ZAN: variants seen among roughly 807,000 people sequenced by gnomAD.
ZAN encodes the protein zonadhesin (gene/pseudogene).
In ZAN, 260 loss-of-function variants were observed where a neutral mutation model predicts 286.2. That is an observed-to-expected ratio of 0.91 (90% CI 0.82 to 1.01). ZAN has a LOEUF of 1.01. Among genes scored for constraint, ZAN ranks in the 50% least tolerant of loss-of-function variants. The pLI is 0.00. For missense variants in ZAN, 3,410 were observed against 3,639.2 expected (o/e 0.94, Z 1.62); for synonymous variants, 1,368 against 1,417.5 (o/e 0.97, Z 0.79).
rs760024290 is a variant in ZAN at position 100,795,322 on chromosome 7, C to T, written c.8252C>T (p.Pro2751Leu). Reference protein sequence around the residue: ...GLCMEPRDAPPPRKPASNLVG... With the variant: ...GLCMEPRDAPLPRKPASNLVG... ...TGTATGGAGCCTCGAGATGCGCCAC[C>T]TCCCAGAAAGCCAGGTGAGGGCATC... Residue 2751 changes from proline to leucine, a missense_variant, in exon 45 of 48, where the codon CCT becomes CTT. Physicochemically the swap from Pro to Leu is moderately conservative, Grantham distance 98 (BLOSUM62 -3). Coordinates refer to ENST00000613979, the MANE Select transcript of ZAN (RefSeq NM_003386.3). The T allele has an allele frequency of 1.9e-6, 3 of 1,590,198 alleles. No homozygotes were observed. The highest frequency in any genetic ancestry group is 4.6e-5 in the East Asian group (2 of 43,794).
intron 17 of ZAN, among the ~76,000 whole-genome samples, chr7:100,759,235 G>GA (rs112702630): frequency 0.36 from 52,107 of 143,660 alleles, 9,244 homozygotes; most frequent in South Asian, 0.46. Context: ...CTCTGTCTCA[G>GA]AAAAAAAAAA....
intron 17 of ZAN, 64 bp downstream of exon 17, chr7:100,758,714 G>C (rs1287679517): frequency 5.2e-6 from 8 of 1,529,506 alleles, no homozygotes; most frequent in Non-Finnish European, 7.0e-6. Flanking sequence ...GCTAGGCATG[G>C]GGCATGGTGG....
chr7:100,755,963 T>C (rs1809116730), intron 15 of ZAN, among the ~76,000 whole-genome samples: 1 of 152,054 alleles, frequency 6.6e-6, no homozygotes, highest in Non-Finnish European at 1.5e-5. Flanking sequence ...CGATCTTAGC[T>C]CACTACAACC....
At chr7:100,767,717 G>T in intron 25 of ZAN, 114 bp from the exon 26 acceptor site, 1 of 1,197,614 alleles carries the variant, frequency 8.3e-7, no homozygotes. Context: ...GGGCTCAAGC[G>T]ATCCTCCGCC....
rs538868343 is a variant in ZAN at position 100,739,689 on chromosome 7, G to A, written c.766+1076G>A. Among the ~76,000 whole-genome samples, 13 of 137,338 alleles carry A rather than the reference G, an allele frequency of 9.5e-5. 1 individual carries two copies. Among genetic ancestry groups the A allele is most frequent in the African/African-American group, 2.1e-4 (8 of 37,746 alleles). The allele number at this position is 137,338 out of a possible 152,430, so 90.1% of individuals were successfully genotyped here. A position where few individuals can be genotyped will look rare whatever the true frequency, so the allele number is the denominator to read the frequency against. ...TTATTTATTTTGGAGACAGAGTCTC[G>A]CCCTGTCTCCCAGGCTGGAGTGCAG... On this transcript the variant is annotated intron_variant, in intron 7 of 47. Transcript: ENST00000613979.
Position 100,795,310 on chromosome 7 carries a change from G to T in ZAN, c.8240G>T (p.Arg2747Leu). 6.3e-7 allele frequency: 1 copy of T among 1,596,856 alleles called. No homozygotes were observed. ...GGGGGAGGCCTGTGTATGGAGCCTCGAGATGCGCCACCTCCCAGAAAGCCA... is the reference window on the plus strand; with the variant it reads ...GGGGGAGGCCTGTGTATGGAGCCTCTAGATGCGCCACCTCCCAGAAAGCCA... ...GYGGGLCMEP[R>L]DAPPPRKPAS... Residue 2747 changes from arginine (R) to leucine (L), a missense_variant, in exon 45 of 48, where the codon CGA (arginine) becomes CTA (leucine). This residue lies in a region of ZAN where 1,289 missense variants were observed against 1,314.3 expected (regional missense o/e 0.98). Coordinates refer to ENST00000613979, the MANE Select transcript of ZAN (RefSeq NM_003386.3).
At chr7:100,797,267 TC>T in intron 45 of ZAN, 98 bp from the exon 46 acceptor site, 1 of 1,090,428 alleles carries the variant, frequency 9.2e-7, no homozygotes, top group Admixed American at 2.0e-5. Flanking sequence ...AGAGATGAGG[TC>T]CCCTGGGGTA....
At chr7:100,736,439 G>T (rs1364296770) in intron 3 of ZAN, 44 bp from the exon 4 acceptor site, 1 of 1,513,606 alleles carries the variant, frequency 6.6e-7, no homozygotes, top group Non-Finnish European at 9.1e-7. Context: ...TCTGGGCCCT[G>T]CCCCTGCCCT....
chr7:100,734,739 C>A (rs1056173270), intron 2 of ZAN, among the ~76,000 whole-genome samples: 7 of 140,562 alleles, frequency 5.0e-5, no homozygotes, highest in Admixed American at 3.5e-4. Context: ...CGGGACAGGG[C>A]TACAATGTGA....
intron 29 of ZAN, among the ~76,000 whole-genome samples, chr7:100,772,540 T>C (rs931094973): frequency 4.6e-5 from 7 of 151,914 alleles, no homozygotes; most frequent in African/African-American, 1.7e-4. Flanking sequence ...AAAAAATTGT[T>C]GCCGGGCGCG....
chr7:100,793,917 C>T lies in ZAN; in HGVS notation c.7885C>T (p.Leu2629=), dbSNP rs2116348130. Residue 2629 remains leucine, a synonymous_variant, in exon 43 of 48, where the codon CTG becomes TTG. Transcript: ENST00000613979. ...CAGACCCCGGGGACTGCGAGGGCCC[C>T]TGCGTGGAAGGCTGCGCCAGCATCC... ...PGRPRGLRGP[L]RGRLRQHPRL... is the part of the protein sequence containing the mutation. 1 of 1,614,000 alleles carries T rather than the reference C, an allele frequency of 6.2e-7. No homozygotes were observed. The highest frequency in any genetic ancestry group is 8.5e-7 in the Non-Finnish European group (1 of 1,179,886).
rs776943585 is a variant in ZAN, at chr7:100,748,352, C to A, written c.1131C>A (p.Asp377Glu). Residue 377 changes from aspartate (D) to glutamate (E), a missense_variant, in exon 11 of 48, where the codon GAC (aspartate) becomes GAA (glutamate). Coordinates refer to ENST00000613979, the MANE Select transcript of ZAN (RefSeq NM_003386.3). ...GTTTTCCTCAGTGTGACTTTGAAGACAACGCCCATCCCTTCTGTGACTGGG... is the reference window on the plus strand; with the variant it reads ...GTTTTCCTCAGTGTGACTTTGAAGAAAACGCCCATCCCTTCTGTGACTGGG... ...GEGFPQCDFE[D>E]NAHPFCDWVQ... 8.7e-6 allele frequency: 14 copies of A among 1,613,996 alleles called. No individual in the cohort carries two copies. The highest frequency in any genetic ancestry group is 1.2e-5 in the Non-Finnish European group (14 of 1,179,896).
Position 100,775,721 on chromosome 7 carries a change from G to C in ZAN, c.6080G>C (p.Ser2027Thr). Residue 2027 changes from serine (S) to threonine (T), a missense_variant, in exon 33 of 48, where the codon AGT (serine) becomes ACT (threonine). Coordinates refer to ENST00000613979, the MANE Select transcript of ZAN (RefSeq NM_003386.3). The stretch of plus-strand genomic sequence containing the variant: ...GCCATCTCCCAGATCCCTGGGGTCA[G>C]TGTCAAGTCCAGCAGCATCTACAGC... ...LPAISQIPGV[S>T]VKSSSIYSIV... 6.2e-7 allele frequency: 1 copy of C among 1,613,882 alleles called. No individual in the cohort carries two copies. The highest frequency in any genetic ancestry group is 8.5e-7 in the Non-Finnish European group (1 of 1,179,852).
Position 100,753,042 on chromosome 7 carries a change from C to G in ZAN, c.2937C>G (p.Pro979=). The G allele has an allele frequency of 6.2e-7, 1 of 1,612,330 alleles. No homozygotes were observed. The highest frequency in any genetic ancestry group is 8.5e-7 in the Non-Finnish European group (1 of 1,179,002). The part of the protein sequence containing the change: ...PTIPTEKLTI[P]TEKPTIPTEK... ...TCCCCACGGAAAAACTTACCATCCCCACGGAAAAACCCACCATCCCCACAG... is the reference window on the plus strand; with the variant it reads ...TCCCCACGGAAAAACTTACCATCCCGACGGAAAAACCCACCATCCCCACAG... Residue 979 remains proline (P), a synonymous_variant, in exon 14 of 48, where the codon CCC becomes CCG. Transcript: ENST00000613979.
chr7:100,776,422 ACCACT>A lies in ZAN; in HGVS notation c.6193-16_6193-12del, dbSNP rs1810789984. ...TCTCGTGCTTCCCCAGCACCGAAAA[ACCACT>A]CTCCCCCGCCAGGTCTGCGGCATGT... On this transcript the variant is annotated splice_polypyrimidine_tract_variant and intron_variant, in intron 33 of 47. Coordinates refer to ENST00000613979, the MANE Select transcript of ZAN (RefSeq NM_003386.3). 6.3e-7 allele frequency: 1 copy of A among 1,598,456 alleles called. No individual in the cohort carries two copies. Among genetic ancestry groups the A allele is most frequent in the Non-Finnish European group, 8.5e-7 (1 of 1,172,426 alleles).
rs573067035 is a variant in ZAN, at chr7:100,788,051, C to T, written c.7142C>T (p.Pro2381Leu). The T allele has an allele frequency of 1.7e-5, 26 of 1,564,886 alleles. No homozygotes were observed. The Admixed American group carries it at 2.3e-4, about 14-fold the overall frequency. ...LLVEGRNKMD[P>L]PRSSIFLQEV... ...GTGGAAGGACGCAACAAGATGGATCCGCCCAGGAGCTCCATCTTCTTGCAG... is the reference window on the plus strand; with the variant it reads ...GTGGAAGGACGCAACAAGATGGATCTGCCCAGGAGCTCCATCTTCTTGCAG... Residue 2381 changes from proline (P) to leucine (L), a missense_variant, in exon 38 of 48, where the codon CCG (proline) becomes CTG (leucine). Coordinates refer to ENST00000613979, the MANE Select transcript of ZAN (RefSeq NM_003386.3).
At position 100,793,968 on chromosome 7, in the gene ZAN, G is replaced by C. The variant is rs143981169; in HGVS notation, c.7936G>C (p.Glu2646Gln). ...CAGGCTATGCCTACAGTGGCACCCA[G>C]AGCCTCCCCTGGCTGACTGTGGCTG... Reference protein sequence around the residue: ...HPRLCLQWHPEPPLADCGCTS... With the variant: ...HPRLCLQWHPQPPLADCGCTS... Residue 2646 changes from glutamate to glutamine, a missense_variant, in exon 43 of 48, where the codon GAG (glutamate) becomes CAG (glutamine). Transcript: ENST00000613979. 1.9e-4 allele frequency: 307 copies of C among 1,613,850 alleles called. 6 individuals carry two copies. The East Asian group carries it at 6.8e-3, about 36-fold the overall frequency.
intron 20 of ZAN, 40 bp downstream of exon 20, chr7:100,762,398 C>A: frequency 1.3e-6 from 2 of 1,522,954 alleles, no homozygotes; most frequent in Non-Finnish European, 1.8e-6. Context: ...TGGGAAGGTT[C>A]CGTCCCCTTC....
chr7:100,775,074 C>T (rs189549082), intron 31 of ZAN, among the ~76,000 whole-genome samples: 60 of 152,230 alleles, frequency 3.9e-4, no homozygotes, highest in African/African-American at 1.4e-3. Flanking sequence ...ATTACAGGCA[C>T]ACGTCACCAC....
Sources: allele counts gnomAD v4.1 joint callset (sites outside exome capture counted in the v4.1 genomes callset), GRCh38; gene constraint gnomAD v4.1.1; regional missense constraint gnomAD v4.1.1; transcripts MANE v1.5; gene names NCBI Gene and HGNC (gene_info 2026-07-23, HGNC 2026-07-21).